CMTR1: variants seen among roughly 807,000 people sequenced by gnomAD.
The protein encoded by CMTR1 is cap methyltransferase 1, also known as cap-specific mRNA (nucleoside-2'-O-)-methyltransferase 1.
Under a neutral mutation model 107.0 loss-of-function variants are expected in CMTR1, and 39 were observed. The observed-to-expected ratio is 0.36, with a 90% CI of 0.28 to 0.48. The LOEUF is 0.48. Among genes scored for constraint, CMTR1 ranks in the 20% least tolerant of loss-of-function variants. The pLI is 0.99. For missense variants in CMTR1, 672 were observed against 1,064.9 expected, an observed-to-expected ratio of 0.63 and a Z score of 5.14; for synonymous variants, 366 against 379.5, an observed-to-expected ratio of 0.96 and a Z score of 0.41.
chr6:37,459,706 G>A, intron 10 of CMTR1, 22 bp downstream of exon 10: 1 of 1,481,276 alleles, frequency 6.8e-7, no homozygotes, highest in Non-Finnish European at 9.4e-7. Context: ...TTTTTCCATA[G>A]ACTGATGCAT....
At chr6:37,471,150 T>A in intron 14 of CMTR1, 73 bp downstream of exon 14, 1 of 1,374,768 alleles carries the variant, frequency 7.3e-7, no homozygotes, top group Non-Finnish European at 1.0e-6. Context: ...ACAAGCTGTT[T>A]GTTTTTTTCA....
rs1581756703 is a variant in CMTR1, at chr6:37,478,321, G to A, written c.2154-88G>A. The A allele has an allele frequency of 3.0e-6, 3 of 998,690 alleles. No homozygotes were observed. In the Admixed American group the frequency reaches 5.3e-5, roughly 18 times the overall value. The allele number at this position is 998,690 out of a possible 1,614,324, so 61.9% of individuals were successfully genotyped here. On this transcript the variant is annotated intron_variant, in intron 21 of 23. Transcript: ENST00000373451. The stretch of plus-strand genomic sequence containing the variant: ...TTAAGTCAAACCAGGATCAGATACT[G>A]CAGTTGGGGTGATTTTATTAGTCAG...
At chr6:37,442,713 G>A (rs1041021640) in intron 2 of CMTR1, among the ~76,000 whole-genome samples, 1 of 152,210 alleles carries the variant, frequency 6.6e-6, no homozygotes, top group African/African-American at 2.4e-5. Context: ...TCAACCCTTA[G>A]CAGGTTTTGG....
chr6:37,479,029 C>T, intron 22 of CMTR1, 118 bp from the exon 23 acceptor site: 1 of 685,216 alleles, frequency 1.5e-6, no homozygotes, highest in East Asian at 2.6e-5. Flanking sequence ...GGGCTATTCC[C>T]TGCTTGCTTT....
chr6:37,475,335 G>A lies in CMTR1; in HGVS notation c.1959G>A (p.Arg653=). ...HELKGEGKAQ[R]KISAIHILDV... ...TATCCTTCTAGGGGAAGGCCCAGAG[G>A]AAGATCAGTGCCATCCACATCCTCG... Residue 653 remains arginine (R), a synonymous_variant, in exon 19 of 24, where the codon AGG becomes AGA. Coordinates refer to ENST00000373451, the MANE Select transcript of CMTR1 (RefSeq NM_015050.3). 6.2e-7 allele frequency: 1 copy of A among 1,608,618 alleles called. No individual in the cohort carries two copies.
intron 21 of CMTR1, among the ~76,000 whole-genome samples, chr6:37,478,097 T>C (rs75989228): frequency 0.014 from 2,195 of 152,292 alleles, 47 homozygotes; most frequent in African/African-American, 0.047. Flanking sequence ...ACATTAACTC[T>C]TCAGTGGCTG....
At chr6:37,471,142 A>G in intron 14 of CMTR1, 65 bp downstream of exon 14, 1 of 1,411,214 alleles carries the variant, frequency 7.1e-7, no homozygotes, top group Non-Finnish European at 9.7e-7. Context: ...TCCTCCCCAC[A>G]AGCTGTTTGT....
intron 8 of CMTR1, among the ~76,000 whole-genome samples, chr6:37,455,381 C>T: frequency 6.6e-6 from 1 of 152,158 alleles, no homozygotes; most frequent in Non-Finnish European, 1.5e-5. Context: ...GCCCAGCCAA[C>T]TCTGAAGTTT....
intron 6 of CMTR1, among the ~76,000 whole-genome samples, chr6:37,452,500 C>T (rs1423007442): frequency 1.3e-5 from 2 of 152,078 alleles, no homozygotes; most frequent in Non-Finnish European, 2.9e-5. Context: ...TATTTTTTGG[C>T]AGGCATAGGG....
At chr6:37,442,991 T>A (rs1048532770) in intron 2 of CMTR1, among the ~76,000 whole-genome samples, 2 of 152,218 alleles carry the variant, frequency 1.3e-5, no homozygotes, top group African/African-American at 4.8e-5. Context: ...TAATAGATAA[T>A]ATATTCACAT....
chr6:37,478,418 G>A lies in CMTR1; in HGVS notation c.2163G>A (p.Met721Ile), dbSNP rs762638038. 3.1e-6 allele frequency: 5 copies of A among 1,613,772 alleles called. No homozygotes were observed. In the East Asian group the frequency reaches 1.1e-4, roughly 36 times the overall value. Residue 721 changes from methionine to isoleucine, a missense_variant, in exon 22 of 24, where the codon ATG becomes ATA. This residue lies in a region of CMTR1 where 583 missense variants were observed against 968.4 expected (regional missense o/e 0.60). Coordinates refer to ENST00000373451, the MANE Select transcript of CMTR1 (RefSeq NM_015050.3). ...EMEKIFVRLEMKIIKGSSGTP... is the reference protein window; with the variant it reads ...EMEKIFVRLEIKIIKGSSGTP... The stretch of plus-strand genomic sequence containing the variant: ...TTCTCGGGGAAATCAGGTTGGAGAT[G>A]AAGATCATCAAGGGCTCCAGTGGCA...
upstream of CMTR1, among the ~76,000 whole-genome samples, chr6:37,431,644 C>G (rs1771375709): frequency 6.6e-6 from 1 of 152,100 alleles, no homozygotes; most frequent in South Asian, 2.1e-4. Context: ...GGACAGAGTG[C>G]TTTAGGAGCT....
chr6:37,460,487 C>CT (rs1357734243), intron 10 of CMTR1, among the ~76,000 whole-genome samples: 2 of 151,014 alleles, frequency 1.3e-5, no homozygotes, highest in Non-Finnish European at 2.9e-5. Flanking sequence ...AGCTCAAGGG[C>CT]TTTCTGCTTC....
intron 2 of CMTR1, 93 bp from the exon 3 acceptor site, chr6:37,443,906 A>G: frequency 1.4e-6 from 2 of 1,384,550 alleles, no homozygotes; most frequent in Non-Finnish European, 2.0e-6. Flanking sequence ...TGCATTGTGT[A>G]TACTGAACAG....
intron 23 of CMTR1, 44 bp downstream of exon 23, chr6:37,479,299 G>A (rs2797790): frequency 0.67 from 911,717 of 1,367,616 alleles, 307,137 homozygotes; most frequent in African/African-American, 0.83. Context: ...GCAGCCTCAA[G>A]TACTCCTGCA....
upstream of CMTR1, among the ~76,000 whole-genome samples, chr6:37,428,936 G>T (rs1286499790): frequency 6.6e-6 from 1 of 152,174 alleles, no homozygotes; most frequent in East Asian, 1.9e-4. Flanking sequence ...GTAAATTCAT[G>T]CCTTTTGCCA....
Position 37,458,755 on chromosome 6 carries a change from C to T in CMTR1, c.921C>T (p.Asp307=), listed in dbSNP as rs1761346228. 6.2e-7 allele frequency: 1 copy of T among 1,614,176 alleles called. No homozygotes were observed. The highest frequency in any genetic ancestry group is 2.2e-5 in the East Asian group (1 of 44,882). Residue 307 remains aspartate, a synonymous_variant, in exon 9 of 24, where the codon GAC becomes GAT. Transcript: ENST00000373451. The surrounding 1 kb of genome is among the most constrained non-coding windows in gnomAD (Gnocchi z 4.7). ...GAATGACTTTGAAGGGCCCTAATGA[C>T]TTCAAGCTGGAGGACTTCTACTCTG... ...GFGMTLKGPN[D]FKLEDFYSAS...
chr6:37,469,521 C>CTTTTTTTTTTTTTT (rs763917812), intron 13 of CMTR1, among the ~76,000 whole-genome samples: 9 of 61,596 alleles, frequency 1.5e-4, no homozygotes, highest in Non-Finnish European at 2.0e-4. Flanking sequence ...TTGTTTTATC[C>CTTTTTTTTTTTTTT]TTTTTTTTTT....
chr6:37,457,807 G>T (rs1205782004), intron 8 of CMTR1, among the ~76,000 whole-genome samples: 1 of 152,182 alleles, frequency 6.6e-6, no homozygotes, highest in African/African-American at 2.4e-5. Flanking sequence ...CTGGGAGAGG[G>T]TGTTAGAGCC....
Sources: gnomAD v4.1 joint callset for allele counts (sites outside exome capture counted in the v4.1 genomes callset) on GRCh38, gnomAD v4.1.1 for gene constraint, gnomAD v4.1.1 regional missense constraint, Gnocchi (gnomAD v3.1) non-coding constraint, MANE v1.5 for transcripts, NCBI Gene and HGNC (gene_info 2026-07-23, HGNC 2026-07-21) for gene names.